Variants in SRL observed in about 807,000 individuals in gnomAD.
SRL encodes sarcalumenin.
Under a neutral mutation model 39.5 loss-of-function variants are expected in SRL, and 23 were observed. The ratio of observed to expected loss-of-function variants is 0.58; its 90% confidence interval spans 0.42 to 0.82. SRL has a LOEUF of 0.82. Ranked by LOEUF, SRL falls within the 40% of genes least tolerant of loss-of-function variation. The pLI is 0.00. For missense variants in SRL, 592 were observed against 607.8 expected (o/e 0.97, Z 0.27); for synonymous variants, 272 against 237.4 (o/e 1.15, Z -1.34).
At chr16:4,198,347 T>C (rs1389053242) in intron 3 of SRL, among the ~76,000 whole-genome samples, 1 of 152,180 alleles carries the variant, frequency 6.6e-6, no homozygotes, top group African/African-American at 2.4e-5. Context: ...ACTCAGACCC[T>C]TCCTGTCTCC....
chr16:4,235,218 C>G (rs1056137356), intron 1 of SRL, among the ~76,000 whole-genome samples: 1 of 152,196 alleles, frequency 6.6e-6, no homozygotes, highest in Non-Finnish European at 1.5e-5. Flanking sequence ...CCTGAGAAGA[C>G]AGGACTCCCA....
intron 1 of SRL, among the ~76,000 whole-genome samples, chr16:4,233,622 T>G (rs1452439972): frequency 6.6e-6 from 1 of 151,820 alleles, no homozygotes; most frequent in Non-Finnish European, 1.5e-5. Context: ...GAAGGTCAGC[T>G]CCTGAGGGCA....
intron 2 of SRL, among the ~76,000 whole-genome samples, chr16:4,203,692 T>A (rs1023954409): frequency 1.4e-4 from 20 of 147,852 alleles, no homozygotes; most frequent in Non-Finnish European, 2.6e-4. Context: ...CGGCCTGAGC[T>A]GTTTTTTTTT....
chr16:4,218,540 C>T (rs1282485500), intron 1 of SRL, among the ~76,000 whole-genome samples: 1 of 152,152 alleles, frequency 6.6e-6, no homozygotes, highest in Non-Finnish European at 1.5e-5. Context: ...CAATATACAG[C>T]GGCGCTTTGC....
chr16:4,198,029 C>A, intron 3 of SRL, 114 bp from the exon 4 acceptor site: 1 of 754,202 alleles, frequency 1.3e-6, no homozygotes, highest in Non-Finnish European at 2.4e-6. Context: ...TGGAATTCTC[C>A]ATGAATCAGA....
At chr16:4,222,203 T>A (rs1479084426) in intron 1 of SRL, among the ~76,000 whole-genome samples, 1 of 152,178 alleles carries the variant, frequency 6.6e-6, no homozygotes, top group African/African-American at 2.4e-5. Flanking sequence ...GTCCCATCCC[T>A]TGGGAGTCGT....
At chr16:4,230,753 G>T (rs531083350) in intron 1 of SRL, among the ~76,000 whole-genome samples, 1 of 152,204 alleles carries the variant, frequency 6.6e-6, no homozygotes, top group Admixed American at 6.5e-5. Flanking sequence ...GATCATACTG[G>T]ATTAGGTGGG....
intron 1 of SRL, chr16:4,207,257 G>A (rs543354159): frequency 5.9e-5 from 27 of 456,952 alleles, no homozygotes; most frequent in South Asian, 3.4e-4. Context: ...CTTCATCTGC[G>A]TCCTCCTCAG....
intron 1 of SRL, among the ~76,000 whole-genome samples, chr16:4,220,441 T>C (rs554305527): frequency 6.6e-6 from 1 of 150,378 alleles, no homozygotes; most frequent in Non-Finnish European, 1.5e-5. Flanking sequence ...GGAGACACTG[T>C]CCTAGAAAAA....
rs572540591 is a variant in SRL, at chr16:4,211,854, C to T, written c.62-7220G>A. On this transcript the variant is annotated intron_variant, in intron 1 of 5. Transcript: ENST00000399609. The stretch of plus-strand genomic sequence containing the variant: ...GTGATGATGATGATGGTGATGACGA[C>T]GATGACGACGATGGTGATGATGGTG... Among the ~76,000 whole-genome samples the T allele has an allele frequency of 9.8e-3, 1,489 of 151,200 alleles. 13 individuals carry two copies. Among genetic ancestry groups the T allele is most frequent in the Non-Finnish European group, 0.017 (1,128 of 67,832 alleles).
At chr16:4,214,280 A>G (rs1420890324) in intron 1 of SRL, among the ~76,000 whole-genome samples, 1 of 152,248 alleles carries the variant, frequency 6.6e-6, no homozygotes, top group Non-Finnish European at 1.5e-5. Context: ...TGTTTATAAC[A>G]AGTACCTGCC....
In SRL at chr16:4,203,206, CT is replaced by C; in HGVS notation, c.218del (p.Gln73ArgfsTer37). On this transcript the variant is annotated frameshift_variant, in exon 3 of 6. Transcript: ENST00000399609. LOFTEE classifies it high-confidence loss of function. ...GCCGGAGCTCATTGTACTTGTAGGA[CT>C]GCTCCAGAGGCTTGATGGATGAGTG... ...IYHSSIKPLE[Q>X]SYKYNELRQH... 1 of 1,614,216 alleles carries C rather than the reference CT, an allele frequency of 6.2e-7. No homozygotes were observed. The highest frequency in any genetic ancestry group is 8.5e-7 in the Non-Finnish European group (1 of 1,180,028).
chr16:4,219,884 A>G (rs1427318350), intron 1 of SRL, among the ~76,000 whole-genome samples: 2 of 152,056 alleles, frequency 1.3e-5, no homozygotes, highest in Non-Finnish European at 2.9e-5. Context: ...CCAAGAGACA[A>G]AGGACAGTTG....
At chr16:4,229,670 T>C (rs1451448243) in intron 1 of SRL, among the ~76,000 whole-genome samples, 1 of 151,822 alleles carries the variant, frequency 6.6e-6, no homozygotes, top group Non-Finnish European at 1.5e-5. Flanking sequence ...ACAAACTACC[T>C]ATTGGGTACT....
chr16:4,220,006 G>T (rs2052503900), intron 1 of SRL, among the ~76,000 whole-genome samples: 1 of 152,044 alleles, frequency 6.6e-6, no homozygotes, highest in Non-Finnish European at 1.5e-5. Flanking sequence ...ATTAGAGAAG[G>T]GAAGACCCTC....
In SRL at chr16:4,230,627, TCCGCACC is replaced by T. The variant is rs1457791284; in HGVS notation, c.61+11373_61+11379del. ...TGGTCTTGAACTCCCGACCTCGTGA[TCCGCACC>T]CCCTTGGCCTCCCAAAGTGCTGGGA... On this transcript the variant is annotated intron_variant, in intron 1 of 5. Coordinates refer to ENST00000399609, the MANE Select transcript of SRL (RefSeq NM_001098814.2). Among the ~76,000 whole-genome samples the T allele has an allele frequency of 5.3e-5, 8 of 151,906 alleles. No individual in the cohort carries two copies. In the East Asian group the frequency reaches 1.6e-3, roughly 30 times the overall value.
intron 3 of SRL, among the ~76,000 whole-genome samples, chr16:4,200,760 G>C (rs2052216933): frequency 6.6e-6 from 1 of 152,150 alleles, no homozygotes; most frequent in Non-Finnish European, 1.5e-5. Flanking sequence ...TGTGGAACAG[G>C]GTATTCCCTG....
chr16:4,235,328 G>A (rs922768571), intron 1 of SRL, among the ~76,000 whole-genome samples: 1 of 152,204 alleles, frequency 6.6e-6, no homozygotes, highest in African/African-American at 2.4e-5. Context: ...AGAGGGCACA[G>A]GCCTCACAGC....
chr16:4,207,417 C>A (rs759811670), intron 1 of SRL: 2 of 456,712 alleles, frequency 4.4e-6, no homozygotes, highest in Admixed American at 2.3e-5. Flanking sequence ...CTCCGACTCT[C>A]CCCCAACAGC....
Sources: gnomAD v4.1 joint callset for allele counts (sites outside exome capture counted in the v4.1 genomes callset) on GRCh38, gnomAD v4.1.1 for gene constraint, MANE v1.5 for transcripts, NCBI Gene and HGNC (gene_info 2026-07-23, HGNC 2026-07-21) for gene names.